The following PCDHGB7 variants were observed in gnomAD, a reference collection of about 807,000 sequenced individuals.
The protein encoded by PCDHGB7 is protocadherin gamma subfamily B, 7.
In PCDHGB7, 37 loss-of-function variants were observed where a neutral mutation model predicts 61.4. The observed-to-expected ratio is 0.60, with a 90% CI of 0.46 to 0.79. The LOEUF is 0.79. Among genes scored for constraint, PCDHGB7 ranks in the 30% least tolerant of loss-of-function variants. The pLI is 0.00. For synonymous variants in PCDHGB7, 464 were observed against 503.5 expected (o/e 0.92, Z 1.05); for missense variants, 1,166 against 1,202.5 (o/e 0.97, Z 0.45).
chr5:141,505,911 A>C (rs2099849083), intron 3 of PCDHGB7, among the ~76,000 whole-genome samples: 1 of 152,154 alleles, frequency 6.6e-6, no homozygotes, highest in South Asian at 2.1e-4. Flanking sequence ...CAAAGCATAG[A>C]GTTCTGGGCC....
chr5:141,486,017 A>C lies in PCDHGB7; in HGVS notation c.2416-8790A>C, dbSNP rs746747518. 1 of 1,614,176 alleles carries C rather than the reference A, an allele frequency of 6.2e-7. No homozygotes were observed. The highest frequency in any genetic ancestry group is 8.5e-7 in the Non-Finnish European group (1 of 1,180,038). ...CAGTGGTAACGTCACCTTTTATTTC[A>C]GTGGTCATACCCCTGATCGTGTAAG... On this transcript the variant is annotated intron_variant, in intron 1 of 3. Coordinates refer to ENST00000398594, the MANE Select transcript of PCDHGB7 (RefSeq NM_018927.4). This position sits in a 1 kb window ranked among gnomAD's most constrained non-coding sequence, Gnocchi z 5.0.
chr5:141,421,945 AT>A (rs1473318347), intron 1 of PCDHGB7: 1 of 1,613,342 alleles, frequency 6.2e-7, no homozygotes, highest in Non-Finnish European at 8.5e-7. Flanking sequence ...AAATGATCAC[AT>A]CCCAATGTTT....
intron 3 of PCDHGB7, among the ~76,000 whole-genome samples, chr5:141,506,282 C>G (rs1422321122): frequency 6.6e-6 from 1 of 152,040 alleles, no homozygotes; most frequent in East Asian, 1.9e-4. Flanking sequence ...AACCCTGTCT[C>G]TACTAAAAAT....
At chr5:141,438,649 CACAT>C (rs2098044358) in intron 1 of PCDHGB7, among the ~76,000 whole-genome samples, 1 of 100,976 alleles carries the variant, frequency 9.9e-6, no homozygotes, top group Non-Finnish European at 2.0e-5. Context: ...CACACACACA[CACAT>C]ATATGTATAT....
chr5:141,489,380 A>T lies in PCDHGB7; in HGVS notation c.2416-5427A>T, dbSNP rs753226956. 1 of 1,613,874 alleles carries T rather than the reference A, an allele frequency of 6.2e-7. No homozygotes were observed. The highest frequency in any genetic ancestry group is 2.2e-5 in the East Asian group (1 of 44,872). On this transcript the variant is annotated intron_variant, in intron 1 of 3. Transcript: ENST00000398594. The surrounding 1 kb of genome is among the most constrained non-coding windows in gnomAD (Gnocchi z 4.5). ...TCTGAGCCGGGGACGCTGGTGGGGA[A>T]TGTTGCTCAGGATCTGGGCTTAAAG... is the stretch of plus-strand genomic sequence containing the variant.
In PCDHGB7 at chr5:141,431,964, A is replaced by G; in HGVS notation, c.2415+11690A>G. On this transcript the variant is annotated intron_variant, in intron 1 of 3. Coordinates refer to ENST00000398594, the MANE Select transcript of PCDHGB7 (RefSeq NM_018927.4). The surrounding 1 kb of genome is among the most constrained non-coding windows in gnomAD (Gnocchi z 4.8). Reference sequence around the variant, plus strand: ...TTAGAAAAATCTTACGGAAATTACTATAGTTTAGTCACAGACATAGTCTTG... The same window carrying G: ...TTAGAAAAATCTTACGGAAATTACTGTAGTTTAGTCACAGACATAGTCTTG... 2.5e-6 allele frequency: 4 copies of G among 1,614,218 alleles called. No individual in the cohort carries two copies. The highest frequency in any genetic ancestry group is 2.5e-6 in the Non-Finnish European group (3 of 1,180,028).
chr5:141,433,291 T>A, intron 1 of PCDHGB7: 1 of 1,094,048 alleles, frequency 9.1e-7, no homozygotes, highest in Non-Finnish European at 1.3e-6. Flanking sequence ...ACTCCTAGGC[T>A]CAAGCAATTA....
chr5:141,481,509 T>C (rs2154578624), intron 1 of PCDHGB7, among the ~76,000 whole-genome samples: 2 of 152,326 alleles, frequency 1.3e-5, no homozygotes, highest in Middle Eastern at 3.4e-3. Context: ...GTATGTGAAT[T>C]ATGTCTCAGT....
At chr5:141,441,981 C>A in intron 1 of PCDHGB7, 1 of 278,140 alleles carries the variant, frequency 3.6e-6, no homozygotes, top group South Asian at 3.6e-5. Context: ...GCCTGGAATG[C>A]GCACCGACGA....
rs1270447529 is a variant in PCDHGB7 at position 141,490,526 on chromosome 5, C to A, written c.2416-4281C>A. 3 of 1,614,116 alleles carry A rather than the reference C, an allele frequency of 1.9e-6. No homozygotes were observed. Among genetic ancestry groups the A allele is most frequent in the Non-Finnish European group, 2.5e-6 (3 of 1,180,008 alleles). On this transcript the variant is annotated intron_variant, in intron 1 of 3. Transcript: ENST00000398594. This position sits in a 1 kb window ranked among gnomAD's most constrained non-coding sequence, Gnocchi z 5.4. ...ATCATCGAGCTGCTGGCCAGCGATG[C>A]TGGTTCACCTTCCCTACACAAACAT...
At chr5:141,451,180 T>C (rs1318435826) in intron 1 of PCDHGB7, among the ~76,000 whole-genome samples, 4 of 152,180 alleles carry the variant, frequency 2.6e-5, no homozygotes, top group Non-Finnish European at 4.4e-5. Flanking sequence ...ATTTAGCCAT[T>C]GCTGTGTAAC....
Position 141,432,503 on chromosome 5 carries a change from G to A in PCDHGB7, c.2415+12229G>A, listed in dbSNP as rs939325676. On this transcript the variant is annotated intron_variant, in intron 1 of 3. Transcript: ENST00000398594. This position sits in a 1 kb window ranked among gnomAD's most constrained non-coding sequence, Gnocchi z 6.0. ...TGGCGTGGAGCTGGCTCCCCGCTCC[G>A]CAGAGCCCGGCTACCTGGTGACCAA... 5 of 1,613,988 alleles carry A rather than the reference G, an allele frequency of 3.1e-6. No individual in the cohort carries two copies. Among genetic ancestry groups the A allele is most frequent in the Non-Finnish European group, 2.5e-6 (3 of 1,180,038 alleles).
chr5:141,476,453 G>C lies in PCDHGB7; in HGVS notation c.2416-18354G>C. On this transcript the variant is annotated intron_variant, in intron 1 of 3. Coordinates refer to ENST00000398594, the MANE Select transcript of PCDHGB7 (RefSeq NM_018927.4). This position sits in a 1 kb window ranked among gnomAD's most constrained non-coding sequence, Gnocchi z 7.6. The stretch of plus-strand genomic sequence containing the variant: ...CACTGTAACTCTGGAGTTGGTAGTG[G>C]AGAACCCGCTGGAGCTGTTCAGCGT... 2 of 1,614,138 alleles carry C rather than the reference G, an allele frequency of 1.2e-6. No homozygotes were observed. Among genetic ancestry groups the C allele is most frequent in the Non-Finnish European group, 1.7e-6 (2 of 1,180,022 alleles).
intron 1 of PCDHGB7, among the ~76,000 whole-genome samples, chr5:141,456,625 C>T (rs544550965): frequency 4.6e-5 from 7 of 152,288 alleles, no homozygotes; most frequent in African/African-American, 1.4e-4. Flanking sequence ...AGATTTGCCT[C>T]TTCTTTACTA....
Position 141,486,740 on chromosome 5 carries a change from T to G in PCDHGB7, c.2416-8067T>G. Reference sequence around the variant, plus strand: ...AGGAGCTGTTCATGCTACTCGATCCTTTGACTATGAGCAAACCCAGACACT... The same window carrying G: ...AGGAGCTGTTCATGCTACTCGATCCGTTGACTATGAGCAAACCCAGACACT... On this transcript the variant is annotated intron_variant, in intron 1 of 3. Transcript: ENST00000398594. This position sits in a 1 kb window ranked among gnomAD's most constrained non-coding sequence, Gnocchi z 5.0. 6.2e-7 allele frequency: 1 copy of G among 1,614,234 alleles called. No individual in the cohort carries two copies. The highest frequency in any genetic ancestry group is 8.5e-7 in the Non-Finnish European group (1 of 1,180,046).
At chr5:141,498,991 AG>A (rs1449718352) in intron 2 of PCDHGB7, among the ~76,000 whole-genome samples, 8 of 144,362 alleles carry the variant, frequency 5.5e-5, no homozygotes, top group Non-Finnish European at 1.0e-4. Context: ...GAAGGAAGGA[AG>A]GAAGGAAGGA....
Position 141,491,589 on chromosome 5 carries a change from C to T in PCDHGB7, c.2416-3218C>T. 6.2e-7 allele frequency: 1 copy of T among 1,613,926 alleles called. No homozygotes were observed. The highest frequency in any genetic ancestry group is 8.5e-7 in the Non-Finnish European group (1 of 1,180,024). ...GGACGTGCTTTTCACCGGCCTCGGA[C>T]GGCAGTGACTTCACTTTTCTAAGAC... On this transcript the variant is annotated intron_variant, in intron 1 of 3. Transcript: ENST00000398594. This position sits in a 1 kb window ranked among gnomAD's most constrained non-coding sequence, Gnocchi z 6.9.
intron 1 of PCDHGB7, among the ~76,000 whole-genome samples, chr5:141,453,065 G>A (rs1308047230): frequency 3.3e-5 from 5 of 151,960 alleles, no homozygotes; most frequent in African/African-American, 1.2e-4. Flanking sequence ...TTAGAGTTTT[G>A]CCACACTCTG....
chr5:141,457,413 A>C (rs939244132), intron 1 of PCDHGB7, among the ~76,000 whole-genome samples: 6 of 152,142 alleles, frequency 3.9e-5, no homozygotes, highest in Non-Finnish European at 5.9e-5. Flanking sequence ...CACATTACCC[A>C]TCCCTTTTTC....
Sources: allele counts gnomAD v4.1 joint callset (sites outside exome capture counted in the v4.1 genomes callset), GRCh38; gene constraint gnomAD v4.1.1; non-coding constraint Gnocchi (gnomAD v3.1); transcripts MANE v1.5; gene names NCBI Gene and HGNC (gene_info 2026-07-23, HGNC 2026-07-21).